The following CEMIP2 variants were observed in gnomAD, a reference collection of about 807,000 sequenced individuals.
CEMIP2 encodes cell surface hyaluronidase CEMIP2.
Under a neutral mutation model 146.9 loss-of-function variants are expected in CEMIP2, and 79 were observed. The observed-to-expected ratio is 0.54, with a 90% CI of 0.45 to 0.65. The LOEUF is 0.65. Ranked by LOEUF, CEMIP2 falls within the 30% of genes least tolerant of loss-of-function variation. The pLI is 0.00. For missense variants in CEMIP2, 1,596 were observed against 1,696.2 expected (o/e 0.94, Z 1.04); for synonymous variants, 601 against 606.3 (o/e 0.99, Z 0.13).
intron 7 of CEMIP2, 58 bp downstream of exon 7, chr9:71,732,292 CT>C: frequency 6.7e-7 from 1 of 1,489,212 alleles, no homozygotes; most frequent in South Asian, 1.4e-5. Flanking sequence ...TTGACAGTTT[CT>C]TCAAACATAT....
chr9:71,763,775 T>C (rs981625188), intron 1 of CEMIP2, among the ~76,000 whole-genome samples: 4 of 152,246 alleles, frequency 2.6e-5, no homozygotes, highest in African/African-American at 9.6e-5. Context: ...GACTGATTTG[T>C]TGGGAGATAG....
intron 13 of CEMIP2, among the ~76,000 whole-genome samples, chr9:71,717,446 C>A (rs1160142119): frequency 6.6e-6 from 1 of 151,950 alleles, no homozygotes; most frequent in Admixed American, 6.6e-5. Flanking sequence ...TAAATCTTAG[C>A]TCAACATGCA....
At chr9:71,740,326 C>T in intron 4 of CEMIP2, 94 bp from the exon 5 acceptor site, 1 of 1,450,910 alleles carries the variant, frequency 6.9e-7, no homozygotes, top group Non-Finnish European at 9.3e-7. Context: ...GTTTAATTCT[C>T]ATATTTCATT....
chr9:71,708,149 G>T (rs979904034), intron 17 of CEMIP2, among the ~76,000 whole-genome samples: 2 of 152,178 alleles, frequency 1.3e-5, no homozygotes, highest in African/African-American at 2.4e-5. Flanking sequence ...TTGCGCCACT[G>T]CACTCCAGCC....
Position 71,734,934 on chromosome 9 carries a change from T to A in CEMIP2, c.1265A>T (p.Asp422Val). The A allele has an allele frequency of 6.2e-7, 1 of 1,613,192 alleles. No homozygotes were observed. Among genetic ancestry groups the A allele is most frequent in the Non-Finnish European group, 8.5e-7 (1 of 1,179,882 alleles). ...TCCAGGTTTCCAACTACTAACATCA[T>A]CTAGCAAATTTAGCTTCACTCCATC... ...VVDGVKLNLLDDVSSWKPGDQ... is the reference protein window; with the variant it reads ...VVDGVKLNLLVDVSSWKPGDQ... The change falls in exon 6 of 24, where the codon GAT (aspartate) becomes GTT (valine). Residue 422 changes from aspartate to valine, a missense_variant. By Grantham distance (152) the Asp-to-Val change is radical. Coordinates refer to ENST00000377044, the MANE Select transcript of CEMIP2 (RefSeq NM_013390.3).
chr9:71,729,866 AT>A lies in CEMIP2; in HGVS notation c.2027del (p.Asn676IlefsTer98), dbSNP rs759871167. ...WIAHPNNNLI[N>X]NAAAGSQDAG... ...TTACCTGTGAGCCTGCAGCTGCATT[AT>A]TAATCAGATTATTGTTGGGATGAGC... On this transcript the variant is annotated frameshift_variant, in exon 10 of 24. Transcript: ENST00000377044. LOFTEE classifies it high-confidence loss of function. 4 of 1,614,234 alleles carry A rather than the reference AT, an allele frequency of 2.5e-6. No individual in the cohort carries two copies. The highest frequency in any genetic ancestry group is 3.4e-6 in the Non-Finnish European group (4 of 1,180,038).
At position 71,750,360 on chromosome 9, in the gene CEMIP2, T is replaced by TC; in HGVS notation, c.13dup (p.Asp5GlyfsTer17). Reference sequence around the variant, plus strand: ...GAAAGCAGGGGAGTGTCCCCTGGAATCAGTGGCATACATGATACACTGTTA... The same window carrying TC: ...GAAAGCAGGGGAGTGTCCCCTGGAATCCAGTGGCATACATGATACACTGTTA... On this transcript the variant is annotated frameshift_variant, in exon 2 of 24. Transcript: ENST00000377044. LOFTEE classifies it high-confidence loss of function. 6.2e-7 allele frequency: 1 copy of TC among 1,611,294 alleles called. No homozygotes were observed. The highest frequency in any genetic ancestry group is 1.7e-5 in the Admixed American group (1 of 59,566).
intron 2 of CEMIP2, among the ~76,000 whole-genome samples, chr9:71,746,594 A>T (rs11790073): frequency 1.2e-5 from 1 of 84,548 alleles, no homozygotes; most frequent in African/African-American, 3.7e-5. Flanking sequence ...GACAAACTTC[A>T]CCAAAAAAAA....
chr9:71,760,195 T>C (rs1160045199), intron 1 of CEMIP2, among the ~76,000 whole-genome samples: 1 of 152,184 alleles, frequency 6.6e-6, no homozygotes, highest in East Asian at 1.9e-4. Context: ...TAACTATAAA[T>C]ACTAAGAGTT....
intron 3 of CEMIP2, among the ~76,000 whole-genome samples, chr9:71,745,936 C>T (rs1331626184): frequency 6.6e-6 from 1 of 152,150 alleles, no homozygotes; most frequent in Non-Finnish European, 1.5e-5. Flanking sequence ...TGAGAGATCA[C>T]CTCTCTGGAA....
intron 18 of CEMIP2, among the ~76,000 whole-genome samples, chr9:71,703,560 C>T (rs561449684): frequency 2.0e-5 from 3 of 152,308 alleles, no homozygotes; most frequent in South Asian, 2.1e-4. Flanking sequence ...GGCTTGATGA[C>T]GACTCAGGTG....
intron 11 of CEMIP2, among the ~76,000 whole-genome samples, chr9:71,723,780 C>A (rs947323433): frequency 6.6e-6 from 1 of 152,024 alleles, no homozygotes; most frequent in Non-Finnish European, 1.5e-5. Context: ...TGTGTGTGTG[C>A]GCACACATGT....
intron 22 of CEMIP2, among the ~76,000 whole-genome samples, chr9:71,688,048 G>A (rs1822120390): frequency 6.6e-6 from 1 of 152,026 alleles, no homozygotes; most frequent in Admixed American, 6.6e-5. Flanking sequence ...ATAGAGACAG[G>A]GTCTCATTAC....
At chr9:71,720,537 C>A (rs1382147885) in intron 12 of CEMIP2, among the ~76,000 whole-genome samples, 1 of 152,172 alleles carries the variant, frequency 6.6e-6, no homozygotes, top group African/African-American at 2.4e-5. Context: ...GGTGATCCAC[C>A]CGCCTTGGCT....
chr9:71,767,203 T>C (rs7863143), intron 1 of CEMIP2, among the ~76,000 whole-genome samples: 9,652 of 152,256 alleles, frequency 0.063, 456 homozygotes, highest in Non-Finnish European at 0.091. Context: ...AGGTGTTTTT[T>C]TAACACTGAG....
Position 71,730,755 on chromosome 9 carries a change from G to A in CEMIP2, c.1723C>T (p.His575Tyr). 1 of 1,614,224 alleles carries A rather than the reference G, an allele frequency of 6.2e-7. No homozygotes were observed. Among genetic ancestry groups the A allele is most frequent in the South Asian group, 1.1e-5 (1 of 91,080 alleles). The change falls in exon 8 of 24, where the codon CAT (histidine) becomes TAT (tyrosine). Residue 575 changes from histidine (H) to tyrosine (Y), a missense_variant. Coordinates refer to ENST00000377044, the MANE Select transcript of CEMIP2 (RefSeq NM_013390.3). ...HATFVDGLSIHHSFSRCITVH... is the reference protein window; with the variant it reads ...HATFVDGLSIYHSFSRCITVH... ...GTGATGCACCTTGAGAAGCTGTGAT[G>A]AATAGACAGGCCGTCCACAAATGTT...
intron 10 of CEMIP2, among the ~76,000 whole-genome samples, chr9:71,728,241 A>ATG (rs1823461841): frequency 2.5e-4 from 12 of 48,070 alleles, no homozygotes; most frequent in African/African-American, 7.4e-4. Context: ...CTATATATAT[A>ATG]TATATATATG....
At chr9:71,718,287 ATCT>A (rs771939332) in intron 12 of CEMIP2, among the ~76,000 whole-genome samples, 1 of 152,208 alleles carries the variant, frequency 6.6e-6, no homozygotes, top group Admixed American at 6.5e-5. Flanking sequence ...CTGCTTTTAC[ATCT>A]TCTTAGTTTG....
At chr9:71,718,218 A>C in intron 12 of CEMIP2, 139 bp from the exon 13 acceptor site, 2 of 771,850 alleles carry the variant, frequency 2.6e-6, no homozygotes, top group Non-Finnish European at 3.7e-6. Flanking sequence ...ACTTACTTAC[A>C]TTTTAAACAT....
Sources: gnomAD v4.1 joint callset for allele counts (sites outside exome capture counted in the v4.1 genomes callset) on GRCh38, gnomAD v4.1.1 for gene constraint, MANE v1.5 for transcripts, NCBI Gene and HGNC (gene_info 2026-07-23, HGNC 2026-07-21) for gene names.